PAMR1: variants seen among roughly 807,000 people sequenced by gnomAD.
PAMR1 encodes the protein inactive serine protease PAMR1.
In PAMR1, 88 loss-of-function variants were observed where a neutral mutation model predicts 81.8. The observed-to-expected ratio is 1.08, with a 90% confidence interval of 0.91 to 1.28. PAMR1 has a LOEUF of 1.28. Among genes scored for constraint, PAMR1 ranks in the 50% most tolerant of loss-of-function variants. PAMR1 has a pLI of 0.00. For synonymous variants in PAMR1, 336 were observed against 345.3 expected (o/e 0.97, Z 0.30); for missense variants, 935 against 919.7 (o/e 1.02, Z -0.21).
At position 35,492,055 on chromosome 11, in the gene PAMR1, T is replaced by C. The variant is rs751354443; in HGVS notation, c.369A>G (p.Gly123=). ...TCAAGGTCTACTTACGCATGCAGTC[T>C]CCTCCGTACCAGCCTGCTCGGCACT... is the stretch of plus-strand genomic sequence containing the variant. ...CAECRAGWYG[G]DCMRCGQVLR... Residue 123 remains glycine (G), a synonymous_variant, in exon 3 of 11, where the codon GGA becomes GGG. Coordinates refer to ENST00000619888, the MANE Select transcript of PAMR1 (RefSeq NM_001001991.3). 2 of 1,612,054 alleles carry C rather than the reference T, an allele frequency of 1.2e-6. No homozygotes were observed. The highest frequency in any genetic ancestry group is 1.7e-5 in the Admixed American group (1 of 59,766).
At chr11:35,484,248 G>T (rs1850456211) in intron 3 of PAMR1, among the ~76,000 whole-genome samples, 1 of 152,188 alleles carries the variant, frequency 6.6e-6, no homozygotes, top group Non-Finnish European at 1.5e-5. Context: ...TGAGGAAACT[G>T]AGATTCACAA....
intron 8 of PAMR1, 144 bp downstream of exon 8, chr11:35,439,483 C>A: frequency 1.4e-6 from 1 of 707,228 alleles, no homozygotes; most frequent in South Asian, 1.7e-5. Context: ...TCTAACAAGC[C>A]CTATTATTTC....
At chr11:35,486,923 C>T (rs1479812086) in intron 3 of PAMR1, among the ~76,000 whole-genome samples, 1 of 152,192 alleles carries the variant, frequency 6.6e-6, no homozygotes, top group Non-Finnish European at 1.5e-5. Context: ...TACTTCCCTA[C>T]TTCACTCATT....
At chr11:35,496,445 G>A (rs1249064843) in intron 1 of PAMR1, among the ~76,000 whole-genome samples, 1 of 152,106 alleles carries the variant, frequency 6.6e-6, no homozygotes, top group Non-Finnish European at 1.5e-5. Flanking sequence ...TTTTTTAAAT[G>A]AGCAAATGAC....
intron 8 of PAMR1, among the ~76,000 whole-genome samples, chr11:35,439,212 C>A (rs1856111349): frequency 6.6e-6 from 1 of 152,206 alleles, no homozygotes; most frequent in Non-Finnish European, 1.5e-5. Flanking sequence ...CCCAGCCTGC[C>A]TCATCTCACT....
intron 1 of PAMR1, among the ~76,000 whole-genome samples, chr11:35,499,315 C>T (rs953905036): frequency 7.2e-5 from 11 of 152,232 alleles, no homozygotes; most frequent in African/African-American, 2.4e-4. Context: ...GATGTATGTT[C>T]GTTCCACTCT....
At chr11:35,456,886 C>T (rs1223192441) in intron 6 of PAMR1, among the ~76,000 whole-genome samples, 2 of 152,162 alleles carry the variant, frequency 1.3e-5, no homozygotes, top group African/African-American at 2.4e-5. Context: ...CATGTGCACA[C>T]GTGTGTGTAC....
chr11:35,503,839 C>T (rs1261990564), intron 1 of PAMR1, among the ~76,000 whole-genome samples: 1 of 152,022 alleles, frequency 6.6e-6, no homozygotes, highest in African/African-American at 2.4e-5. Context: ...TTCTTCCTTT[C>T]CACATTGGAT....
At chr11:35,437,503 T>A (rs925037609) in intron 8 of PAMR1, among the ~76,000 whole-genome samples, 2 of 152,250 alleles carry the variant, frequency 1.3e-5, no homozygotes, top group African/African-American at 4.8e-5. Context: ...ATGAGGTCTG[T>A]AGCTCAGGGA....
intron 6 of PAMR1, among the ~76,000 whole-genome samples, chr11:35,466,220 T>C (rs969184278): frequency 2.6e-5 from 4 of 152,226 alleles, no homozygotes; most frequent in African/African-American, 4.8e-5. Flanking sequence ...GCCAAGAGAA[T>C]GCAACATTTC....
At chr11:35,500,888 A>C (rs1850822036) in intron 1 of PAMR1, among the ~76,000 whole-genome samples, 1 of 152,208 alleles carries the variant, frequency 6.6e-6, no homozygotes, top group Non-Finnish European at 1.5e-5. Flanking sequence ...ATGGTATAAA[A>C]GATTTAAAAA....
chr11:35,521,108 C>T (rs1851267770), intron 1 of PAMR1, among the ~76,000 whole-genome samples: 1 of 152,232 alleles, frequency 6.6e-6, no homozygotes, highest in Admixed American at 6.5e-5. Context: ...CCAGATATAA[C>T]ACCCAGCCCT....
intron 3 of PAMR1, among the ~76,000 whole-genome samples, chr11:35,482,503 T>G (rs1473897328): frequency 2.0e-5 from 3 of 152,200 alleles, no homozygotes; most frequent in Admixed American, 6.5e-5. Flanking sequence ...TGCTTAAGAT[T>G]GTTTTGGCTA....
rs973137021 is a variant in PAMR1, at chr11:35,432,146, C to T, written c.*210G>A. 5.9e-5 allele frequency: 34 copies of T among 578,186 alleles called. No individual in the cohort carries two copies. The highest frequency in any genetic ancestry group is 9.2e-6 in the Non-Finnish European group (3 of 325,818). 35.8% of individuals were successfully genotyped at this position (578,186 alleles called of 1,614,324 possible). A position where few individuals can be genotyped will look rare whatever the true frequency, so the allele number is the denominator to read the frequency against. On this transcript the variant is annotated 3_prime_UTR_variant, in exon 11 of 11. Coordinates refer to ENST00000619888, the MANE Select transcript of PAMR1 (RefSeq NM_001001991.3). ...TACTTCTTGCAAGCCCTGGCATCTT[C>T]CAATTGGCTGTCCTAGTAGTGGACG... is the stretch of plus-strand genomic sequence containing the variant.
At chr11:35,469,352 A>G (rs1856809308) in intron 5 of PAMR1, among the ~76,000 whole-genome samples, 2 of 152,222 alleles carry the variant, frequency 1.3e-5, no homozygotes, top group South Asian at 4.1e-4. Context: ...GGAGCAAGAC[A>G]TTCTCCTGAC....
chr11:35,522,754 G>A (rs61879561), intron 1 of PAMR1, among the ~76,000 whole-genome samples: 31,201 of 151,928 alleles, frequency 0.21, 3,457 homozygotes, highest in Non-Finnish European at 0.25. Context: ...ATTTTTGGGG[G>A]AACCATACTT....
At position 35,492,125 on chromosome 11, in the gene PAMR1, C is replaced by G. The variant is rs757198444; in HGVS notation, c.299G>C (p.Gly100Ala). The change falls in exon 3 of 11, where the codon GGG becomes GCG. Residue 100 changes from glycine to alanine, a missense_variant. By Grantham distance (60) the Gly-to-Ala change is moderately conservative. Coordinates refer to ENST00000619888, the MANE Select transcript of PAMR1 (RefSeq NM_001001991.3). Reference protein sequence around the residue: ...NCKSCRNGSWGGTLDDFYVKG... With the variant: ...NCKSCRNGSWAGTLDDFYVKG... Reference sequence around the variant, plus strand: ...CACATAGAAGTCATCCAAGGTACCCCCCCATGAGCCATTTCGGCAGCTCTT... The same window carrying G: ...CACATAGAAGTCATCCAAGGTACCCGCCCATGAGCCATTTCGGCAGCTCTT... 2.1e-5 allele frequency: 34 copies of G among 1,613,996 alleles called. No homozygotes were observed. The highest frequency in any genetic ancestry group is 1.0e-5 in the Non-Finnish European group (12 of 1,179,984).
In PAMR1 at chr11:35,474,727, G is replaced by A. The variant is rs757758192; in HGVS notation, c.397C>T (p.Arg133Ter). 145 of 1,608,000 alleles carry A rather than the reference G, an allele frequency of 9.0e-5. No individual in the cohort carries two copies. The highest frequency in any genetic ancestry group is 1.2e-4 in the Non-Finnish European group (137 of 1,176,952). ...AACAAAATCTGACCCTTTGGGGCTC[G>A]CAGAACCTGGCCACATCCTAAGAAA... The part of the protein sequence containing the change: ...GDCMRCGQVL[R>*]APKGQILLES... The change falls in exon 4 of 11, where the codon CGA becomes TGA. Residue 133 changes from arginine (R) to a stop codon, truncating the protein, a stop_gained. Coordinates refer to ENST00000619888, the MANE Select transcript of PAMR1 (RefSeq NM_001001991.3). LOFTEE classifies it high-confidence loss of function.
At chr11:35,460,635 C>T (rs933757640) in intron 6 of PAMR1, among the ~76,000 whole-genome samples, 2 of 152,138 alleles carry the variant, frequency 1.3e-5, no homozygotes, top group African/African-American at 4.8e-5. Flanking sequence ...TCATCCATGT[C>T]CCTACAAAGG....
Sources: gnomAD v4.1 joint callset for allele counts (sites outside exome capture counted in the v4.1 genomes callset) on GRCh38, gnomAD v4.1.1 for gene constraint, MANE v1.5 for transcripts, NCBI Gene and HGNC (gene_info 2026-07-23, HGNC 2026-07-21) for gene names.